The following TTC7B variants were observed in gnomAD, a reference collection of about 807,000 sequenced individuals.
TTC7B encodes the protein tetratricopeptide repeat domain 7B, also known as tetratricopeptide repeat protein 7B.
TTC7B carries 28 observed loss-of-function variants against 106.8 expected under a neutral mutation model. That is an observed-to-expected ratio of 0.26 (90% CI 0.19 to 0.36). The LOEUF is 0.36. Among genes scored for constraint, TTC7B ranks in the 10% least tolerant of loss-of-function variants. The pLI is 1.00. For synonymous variants in TTC7B, 405 were observed against 430.6 expected, an observed-to-expected ratio of 0.94 and a Z score of 0.74; for missense variants, 862 against 1,076.4, an observed-to-expected ratio of 0.80 and a Z score of 2.79.
At chr14:90,718,719 T>C (rs1888755792) in intron 5 of TTC7B, among the ~76,000 whole-genome samples, 1 of 151,894 alleles carries the variant, frequency 6.6e-6, no homozygotes, top group Non-Finnish European at 1.5e-5. Context: ...GATAGACATC[T>C]ATGAGCCACA....
At chr14:90,596,143 T>G (rs1892193807) in intron 17 of TTC7B, among the ~76,000 whole-genome samples, 1 of 152,192 alleles carries the variant, frequency 6.6e-6, no homozygotes, top group Admixed American at 6.5e-5. Context: ...TTAACAGACA[T>G]GTTTAAAATA....
intron 9 of TTC7B, among the ~76,000 whole-genome samples, chr14:90,666,910 G>A (rs759650744): frequency 3.4e-4 from 52 of 152,310 alleles, no homozygotes; most frequent in Non-Finnish European, 2.9e-4. Flanking sequence ...GAATCAAGTA[G>A]ACCAAGCTTG....
At chr14:90,785,805 G>A (rs1891367276) in intron 2 of TTC7B, among the ~76,000 whole-genome samples, 1 of 152,202 alleles carries the variant, frequency 6.6e-6, no homozygotes, top group Non-Finnish European at 1.5e-5. Context: ...TGATGAGCAG[G>A]AAGCTGTGCG....
intron 19 of TTC7B, among the ~76,000 whole-genome samples, chr14:90,558,221 C>T (rs548649155): frequency 6.6e-6 from 1 of 152,370 alleles, no homozygotes; most frequent in Admixed American, 6.5e-5. Flanking sequence ...TGGTCCTCAG[C>T]AAGGCTGCCA....
intron 1 of TTC7B, among the ~76,000 whole-genome samples, chr14:90,810,367 T>G (rs1224384318): frequency 2.6e-5 from 4 of 152,178 alleles, no homozygotes; most frequent in African/African-American, 9.7e-5. Flanking sequence ...CTTTGCAAGT[T>G]GAAGGTTACC....
chr14:90,693,975 T>C (rs986060451), intron 6 of TTC7B, among the ~76,000 whole-genome samples: 9 of 152,202 alleles, frequency 5.9e-5, no homozygotes, highest in Non-Finnish European at 1.2e-4. Flanking sequence ...AGCTGATGAA[T>C]GGACAAATAA....
At chr14:90,605,128 T>TA (rs1566793914) in intron 17 of TTC7B, among the ~76,000 whole-genome samples, 1 of 152,208 alleles carries the variant, frequency 6.6e-6, no homozygotes, top group African/African-American at 2.4e-5. Flanking sequence ...TGTGTGGTTT[T>TA]AACGCATGGT....
Position 90,575,368 on chromosome 14 carries a change from C to T in TTC7B, c.2310+2738G>A, listed in dbSNP as rs1234517428. Among the ~76,000 whole-genome samples the T allele has an allele frequency of 6.6e-6, 1 of 152,248 alleles. No individual in the cohort carries two copies. Among genetic ancestry groups the T allele is most frequent in the Non-Finnish European group, 1.5e-5 (1 of 68,036 alleles). On this transcript the variant is annotated intron_variant, in intron 19 of 19. Coordinates refer to ENST00000328459, the MANE Select transcript of TTC7B (RefSeq NM_001010854.2). The surrounding 1 kb of genome is among the most constrained non-coding windows in gnomAD (Gnocchi z 5.2). ...AATGGGGCCAGAGCTGTGATTCTAACCCAGGCCAGCCTGGCTCCAGGGCCT... is the reference window on the plus strand; with the variant it reads ...AATGGGGCCAGAGCTGTGATTCTAATCCAGGCCAGCCTGGCTCCAGGGCCT...
intron 1 of TTC7B, among the ~76,000 whole-genome samples, chr14:90,813,162 G>A (rs1201239586): frequency 6.6e-6 from 1 of 152,112 alleles, no homozygotes; most frequent in Non-Finnish European, 1.5e-5. Flanking sequence ...GCCTTCTTGG[G>A]GACACCTTTC....
rs1889148021 is a variant in TTC7B at position 90,526,227 on chromosome 14, G to C, written c.*15141C>G. 1 of 152,068 alleles carries C rather than the reference G, an allele frequency of 6.6e-6. No homozygotes were observed. The highest frequency in any genetic ancestry group is 1.5e-5 in the Non-Finnish European group (1 of 68,020). The allele number at this position is 152,068 out of a possible 1,614,324, so 9.4% of individuals were successfully genotyped here. ...CTTTTTGATTATAGACATCCTAGTG[G>C]GTGTAAGGTGGTATCTCTTGGAGTT... On this transcript the variant is annotated 3_prime_UTR_variant, in exon 20 of 20. Coordinates refer to ENST00000328459, the MANE Select transcript of TTC7B (RefSeq NM_001010854.2).
intron 7 of TTC7B, among the ~76,000 whole-genome samples, chr14:90,684,704 G>A (rs904007498): frequency 1.3e-5 from 2 of 152,188 alleles, no homozygotes; most frequent in African/African-American, 4.8e-5. Context: ...AGTCAGGAGA[G>A]TGCTGCCCTG....
At chr14:90,799,359 T>TA (rs2030104284) in intron 1 of TTC7B, among the ~76,000 whole-genome samples, 1 of 152,294 alleles carries the variant, frequency 6.6e-6, no homozygotes, top group East Asian at 1.9e-4. Context: ...ACCAAGGACT[T>TA]ACAGCTATGA....
At chr14:90,751,092 T>A (rs2140007472) in intron 3 of TTC7B, among the ~76,000 whole-genome samples, 1 of 152,342 alleles carries the variant, frequency 6.6e-6, no homozygotes, top group Non-Finnish European at 1.5e-5. Flanking sequence ...TCCAGAGACA[T>A]GCCTGACAAA....
At chr14:90,680,126 C>T (rs531481505) in intron 8 of TTC7B, among the ~76,000 whole-genome samples, 1 of 152,350 alleles carries the variant, frequency 6.6e-6, no homozygotes, top group Non-Finnish European at 1.5e-5. Flanking sequence ...CCTCTTTCTC[C>T]TTTTAAGGTT....
chr14:90,647,123 G>A, intron 13 of TTC7B, 100 bp from the exon 14 acceptor site: 1 of 996,054 alleles, frequency 1.0e-6, no homozygotes, highest in East Asian at 2.4e-5. Context: ...TATACTAAGG[G>A]CCCGTATTTA....
rs1320171397 is a variant in TTC7B, at chr14:90,530,612, G to T, written c.*10756C>A. ...GGGAGACAGGAGGGTCAGAGGCAGA[G>T]AAGGAGGAGTCACAGAGATCGCTCT... On this transcript the variant is annotated 3_prime_UTR_variant, in exon 20 of 20. Coordinates refer to ENST00000328459, the MANE Select transcript of TTC7B (RefSeq NM_001010854.2). 1.3e-5 allele frequency: 2 copies of T among 152,272 alleles called. No homozygotes were observed. The highest frequency in any genetic ancestry group is 4.8e-5 in the African/African-American group (2 of 41,430). The allele number at this position is 152,272 out of a possible 1,614,324, so 9.4% of individuals were successfully genotyped here.
chr14:90,728,335 C>A (rs531055541), intron 5 of TTC7B, among the ~76,000 whole-genome samples: 4 of 94,490 alleles, frequency 4.2e-5, no homozygotes, highest in Non-Finnish European at 8.1e-5. Flanking sequence ...TCGTCCCCCC[C>A]GCAAAAAAAA....
chr14:90,638,917 T>C (rs921389976), intron 15 of TTC7B, among the ~76,000 whole-genome samples: 3 of 152,254 alleles, frequency 2.0e-5, no homozygotes, highest in African/African-American at 7.2e-5. Context: ...TGCGGACATT[T>C]GGTTGATGAC....
intron 1 of TTC7B, among the ~76,000 whole-genome samples, chr14:90,796,187 A>G (rs1243208485): frequency 6.6e-6 from 1 of 152,132 alleles, no homozygotes; most frequent in Non-Finnish European, 1.5e-5. Context: ...GATGGTTTTG[A>G]AGTCCCTCTC....
Sources: allele counts gnomAD v4.1 joint callset (sites outside exome capture counted in the v4.1 genomes callset), GRCh38; gene constraint gnomAD v4.1.1; non-coding constraint Gnocchi (gnomAD v3.1); transcripts MANE v1.5; gene names NCBI Gene and HGNC (gene_info 2026-07-23, HGNC 2026-07-21).